LDB2: variants seen among roughly 807,000 people sequenced by gnomAD.
LDB2 encodes LIM domain-binding protein 2.
LDB2 carries 12 observed loss-of-function variants against 44.3 expected under a neutral mutation model. That is an observed-to-expected ratio of 0.27 (90% CI 0.17 to 0.44). LDB2 has a LOEUF of 0.44. Among genes scored for constraint, LDB2 ranks in the 20% least tolerant of loss-of-function variants. The probability of loss-of-function intolerance (pLI) is 1.00; values close to 1 mark genes in which losing one functional copy is unlikely to be tolerated. For synonymous variants in LDB2, 164 were observed against 174.8 expected, an observed-to-expected ratio of 0.94 and a Z score of 0.49; for missense variants, 344 against 473.5, an observed-to-expected ratio of 0.73 and a Z score of 2.54.
intron 2 of LDB2, among the ~76,000 whole-genome samples, chr4:16,715,844 G>A (rs1187444032): frequency 6.6e-6 from 1 of 152,136 alleles, no homozygotes; most frequent in Non-Finnish European, 1.5e-5. Flanking sequence ...TGGAAGTGGT[G>A]GTGCTGCTGC....
chr4:16,620,103 T>G (rs1480158401), intron 2 of LDB2, among the ~76,000 whole-genome samples: 2 of 152,192 alleles, frequency 1.3e-5, no homozygotes, highest in Non-Finnish European at 2.9e-5. Context: ...GTCTCTAGCC[T>G]CCTGTTGTCC....
chr4:16,794,598 A>C (rs753546929), intron 1 of LDB2, among the ~76,000 whole-genome samples: 2 of 152,194 alleles, frequency 1.3e-5, no homozygotes, highest in African/African-American at 2.4e-5. Flanking sequence ...TCATTTTTCA[A>C]ATGTAAATAA....
chr4:16,715,681 G>A (rs1031155698), intron 2 of LDB2, among the ~76,000 whole-genome samples: 11 of 152,116 alleles, frequency 7.2e-5, no homozygotes, highest in African/African-American at 2.7e-4. Flanking sequence ...CCAGCCATCT[G>A]CTTGTGAAAT....
At chr4:16,666,760 C>A (rs1344459984) in intron 2 of LDB2, among the ~76,000 whole-genome samples, 6 of 152,200 alleles carry the variant, frequency 3.9e-5, no homozygotes, top group Non-Finnish European at 5.9e-5. Context: ...TGAATGACAA[C>A]AAATTGGACG....
At chr4:16,886,843 T>C (rs1721832368) in intron 1 of LDB2, among the ~76,000 whole-genome samples, 1 of 151,656 alleles carries the variant, frequency 6.6e-6, no homozygotes, top group Non-Finnish European at 1.5e-5. Flanking sequence ...CCATCCTGGC[T>C]AACACGGTGA....
chr4:16,791,384 G>A (rs780943241), intron 1 of LDB2, among the ~76,000 whole-genome samples: 10 of 151,618 alleles, frequency 6.6e-5, no homozygotes, highest in East Asian at 1.9e-4. Context: ...GTGAAACCCC[G>A]ACTCTACTAA....
At chr4:16,611,368 C>T (rs890540856) in intron 2 of LDB2, among the ~76,000 whole-genome samples, 2 of 152,020 alleles carry the variant, frequency 1.3e-5, no homozygotes, top group East Asian at 1.9e-4. Context: ...TATAACAACA[C>T]TAATTTTAAA....
chr4:16,875,335 G>GAAAAATA (rs1352982009), intron 1 of LDB2, among the ~76,000 whole-genome samples: 2 of 152,074 alleles, frequency 1.3e-5, no homozygotes, highest in Non-Finnish European at 2.9e-5. Context: ...TTTATCAATT[G>GAAAAATA]AAAAATAAAT....
chr4:16,893,512 C>T (rs1268100965), intron 1 of LDB2, among the ~76,000 whole-genome samples: 2 of 151,214 alleles, frequency 1.3e-5, no homozygotes, highest in African/African-American at 2.4e-5. Flanking sequence ...TAAGAATCCC[C>T]CTCCTCCCCA....
Position 16,588,751 on chromosome 4 carries a change from G to A in LDB2, c.490C>T (p.Gln164Ter). 6.2e-7 allele frequency: 1 copy of A among 1,613,850 alleles called. No individual in the cohort carries two copies. Among genetic ancestry groups the A allele is most frequent in the Non-Finnish European group, 8.5e-7 (1 of 1,179,770 alleles). The change falls in exon 4 of 8, where the codon CAA becomes TAA. Residue 164 changes from glutamine (Q) to a stop codon, truncating the protein, a stop_gained. Transcript: ENST00000304523. LOFTEE classifies it high-confidence loss of function. Reference protein sequence around the residue: ...RIKTWHFTIRQYRELVPRSIL... With the variant: ...RIKTWHFTIR ...CTTCTCGGGACTAACTCTCGGTATT[G>A]TCTAATGGTAAAGTGCCATGTTTTG...
intron 5 of LDB2, among the ~76,000 whole-genome samples, chr4:16,560,385 A>G (rs1470232356): frequency 6.6e-6 from 1 of 152,232 alleles, no homozygotes; most frequent in East Asian, 1.9e-4. Flanking sequence ...TAAAGGGGAT[A>G]TCACCACCAA....
chr4:16,670,828 G>A (rs1434323373), intron 2 of LDB2, among the ~76,000 whole-genome samples: 2 of 152,264 alleles, frequency 1.3e-5, no homozygotes, highest in East Asian at 1.9e-4. Flanking sequence ...CATGTAATAA[G>A]GGGTATGTGA....
chr4:16,614,445 T>C (rs1726551602), intron 2 of LDB2, among the ~76,000 whole-genome samples: 1 of 152,132 alleles, frequency 6.6e-6, no homozygotes, highest in Non-Finnish European at 1.5e-5. Context: ...AAAGAGCTTC[T>C]GCACAGCAAA....
intron 1 of LDB2, among the ~76,000 whole-genome samples, chr4:16,875,537 G>C (rs939698406): frequency 6.6e-6 from 1 of 152,148 alleles, no homozygotes; most frequent in Non-Finnish European, 1.5e-5. Flanking sequence ...GCATTTTAGA[G>C]TGAATCATCT....
intron 1 of LDB2, among the ~76,000 whole-genome samples, chr4:16,853,851 T>C (rs1325143326): frequency 6.6e-6 from 1 of 152,156 alleles, no homozygotes; most frequent in Non-Finnish European, 1.5e-5. Context: ...TGGAGAACAC[T>C]ATGCAATGTG....
intron 5 of LDB2, among the ~76,000 whole-genome samples, chr4:16,562,941 T>C (rs1742952063): frequency 6.6e-6 from 1 of 152,050 alleles, no homozygotes; most frequent in Admixed American, 6.6e-5. Flanking sequence ...TTGGAAATCA[T>C]CATTCTCAGT....
At chr4:16,868,980 A>G (rs1303422389) in intron 1 of LDB2, among the ~76,000 whole-genome samples, 1 of 152,056 alleles carries the variant, frequency 6.6e-6, no homozygotes, top group African/African-American at 2.4e-5. Context: ...ATTATGATGA[A>G]GATGATGACA....
intron 1 of LDB2, among the ~76,000 whole-genome samples, chr4:16,870,674 C>G (rs537518783): frequency 6.6e-6 from 1 of 151,978 alleles, no homozygotes; most frequent in Non-Finnish European, 1.5e-5. Flanking sequence ...GCTCTTGTCA[C>G]CCAGGCTGGA....
intron 2 of LDB2, among the ~76,000 whole-genome samples, chr4:16,747,862 TTTTGAAAGAA>T (rs961304910): frequency 6.6e-6 from 1 of 152,184 alleles, no homozygotes; most frequent in Non-Finnish European, 1.5e-5. Flanking sequence ...CATAATTAGA[TTTTGAAAGAA>T]CTCTTGTTTT....
Sources: gnomAD v4.1 joint callset for allele counts (sites outside exome capture counted in the v4.1 genomes callset) on GRCh38, gnomAD v4.1.1 for gene constraint, MANE v1.5 for transcripts, NCBI Gene and HGNC (gene_info 2026-07-23, HGNC 2026-07-21) for gene names.